Variants in RANBP17 observed in about 807,000 individuals in gnomAD.
RANBP17 encodes the protein ran-binding protein 17.
Under a neutral mutation model 141.2 loss-of-function variants are expected in RANBP17, and 158 were observed. That is an observed-to-expected ratio of 1.12 (90% CI 0.98 to 1.28). RANBP17 has a LOEUF of 1.28. Ranked by LOEUF, RANBP17 falls within the 50% of genes most tolerant of loss-of-function variation. The probability of loss-of-function intolerance (pLI) is 0.00; values close to 1 mark genes in which losing one functional copy is unlikely to be tolerated. For synonymous variants in RANBP17, 430 were observed against 450.0 expected (o/e 0.96, Z 0.56); for missense variants, 1,438 against 1,290.7 (o/e 1.11, Z -1.75).
chr5:170,930,175 A>G (rs1189158151), intron 12 of RANBP17, among the ~76,000 whole-genome samples: 3 of 148,672 alleles, frequency 2.0e-5, no homozygotes, highest in Non-Finnish European at 3.0e-5. Flanking sequence ...CGCCTTTATT[A>G]TTTTCTGCCT....
intron 14 of RANBP17, among the ~76,000 whole-genome samples, chr5:171,168,025 TC>T (rs1759823403): frequency 6.6e-6 from 1 of 152,168 alleles, no homozygotes; most frequent in African/African-American, 2.4e-5. Flanking sequence ...ACCGTGTCCT[TC>T]CACTGCACAT....
chr5:171,110,380 G>A (rs1755140363), intron 14 of RANBP17, among the ~76,000 whole-genome samples: 1 of 152,112 alleles, frequency 6.6e-6, no homozygotes, highest in Non-Finnish European at 1.5e-5. Flanking sequence ...GCTCTCTTCT[G>A]AGCATAGCCC....
At chr5:171,272,132 A>G (rs1269499036) in intron 25 of RANBP17, among the ~76,000 whole-genome samples, 1 of 152,172 alleles carries the variant, frequency 6.6e-6, no homozygotes, top group African/African-American at 2.4e-5. Context: ...TACAAGTGGG[A>G]GCTAAACATT....
At chr5:171,022,652 G>T (rs1412748407) in intron 14 of RANBP17, among the ~76,000 whole-genome samples, 2 of 152,202 alleles carry the variant, frequency 1.3e-5, no homozygotes, top group African/African-American at 4.8e-5. Context: ...TCCCAGGAGG[G>T]GAAAAGTGCA....
chr5:171,117,019 G>T (rs1755680814), intron 14 of RANBP17, among the ~76,000 whole-genome samples: 2 of 152,130 alleles, frequency 1.3e-5, no homozygotes, highest in Non-Finnish European at 1.5e-5. Context: ...GATGAATAGT[G>T]TTCCCTTGTG....
intron 14 of RANBP17, among the ~76,000 whole-genome samples, chr5:171,002,701 G>T (rs905129112): frequency 6.6e-6 from 1 of 152,162 alleles, no homozygotes; most frequent in African/African-American, 2.4e-5. Context: ...GATAGATGTG[G>T]AAGATACTAT....
intron 14 of RANBP17, among the ~76,000 whole-genome samples, chr5:171,094,582 G>A (rs996637984): frequency 6.6e-6 from 1 of 152,060 alleles, no homozygotes; most frequent in Non-Finnish European, 1.5e-5. Context: ...AACAATAGAA[G>A]CTCTCTATGC....
At chr5:170,868,900 G>A (rs970387882) in intron 1 of RANBP17, among the ~76,000 whole-genome samples, 3 of 152,156 alleles carry the variant, frequency 2.0e-5, no homozygotes, top group African/African-American at 7.2e-5. Flanking sequence ...GGGCTTAATT[G>A]CTTTATACGT....
intron 13 of RANBP17, among the ~76,000 whole-genome samples, chr5:170,955,201 C>A (rs1227464580): frequency 6.6e-6 from 1 of 152,022 alleles, no homozygotes; most frequent in African/African-American, 2.4e-5. Flanking sequence ...CTGTGCTGAA[C>A]CCAAATTGTA....
chr5:171,052,414 G>C (rs1414566659), intron 14 of RANBP17, among the ~76,000 whole-genome samples: 1 of 151,954 alleles, frequency 6.6e-6, no homozygotes, highest in Admixed American at 6.5e-5. Flanking sequence ...TGAGATTATA[G>C]GATCCAACTT....
chr5:170,904,074 T>C, intron 5 of RANBP17: 1 of 447,594 alleles, frequency 2.2e-6, no homozygotes, highest in Non-Finnish European at 4.4e-6. Context: ...TTACCTCACC[T>C]GTGTGCTCAT....
chr5:171,165,843 G>T (rs1759657252), intron 14 of RANBP17, among the ~76,000 whole-genome samples: 1 of 152,114 alleles, frequency 6.6e-6, no homozygotes, highest in South Asian at 2.1e-4. Context: ...GAATTTATAG[G>T]GAGAGCTTCT....
chr5:171,058,181 T>A (rs559485214), intron 14 of RANBP17, among the ~76,000 whole-genome samples: 10 of 152,144 alleles, frequency 6.6e-5, no homozygotes, highest in Admixed American at 1.3e-4. Flanking sequence ...ATTATTATAC[T>A]TTAAGTTTTA....
chr5:171,014,925 G>T (rs1780328557), intron 14 of RANBP17, among the ~76,000 whole-genome samples: 1 of 151,888 alleles, frequency 6.6e-6, no homozygotes, highest in Admixed American at 6.6e-5. Context: ...TGTTAACAAT[G>T]GTATATAATT....
At chr5:171,227,094 C>A (rs1763926181) in intron 22 of RANBP17, among the ~76,000 whole-genome samples, 1 of 152,140 alleles carries the variant, frequency 6.6e-6, no homozygotes, top group Non-Finnish European at 1.5e-5. Context: ...CTACAATGGC[C>A]TACAAGTATT....
intron 13 of RANBP17, 27 bp from the exon 14 acceptor site, chr5:170,968,215 T>G (rs746621363): frequency 3.1e-6 from 4 of 1,280,260 alleles, no homozygotes; most frequent in African/African-American, 3.1e-5. Context: ...GTACTGAAGG[T>G]TTTTTTTTTA....
intron 24 of RANBP17, among the ~76,000 whole-genome samples, chr5:171,244,442 T>A (rs967294008): frequency 5.9e-5 from 9 of 152,084 alleles, no homozygotes; most frequent in Non-Finnish European, 1.2e-4. Context: ...TCTAGAATTA[T>A]TTTTTATTTA....
At chr5:170,968,447 G>T in intron 14 of RANBP17, 70 bp downstream of exon 14, 3 of 1,385,170 alleles carry the variant, frequency 2.2e-6, no homozygotes, top group Middle Eastern at 1.8e-4. Flanking sequence ...ATAACTGAAT[G>T]ATATATTTGG....
chr5:171,131,569 C>T (rs1022316028), intron 14 of RANBP17, among the ~76,000 whole-genome samples: 4 of 152,164 alleles, frequency 2.6e-5, no homozygotes, highest in African/African-American at 9.7e-5. Context: ...TAAAGAGACC[C>T]ACTCATAAGA....
Sources: allele counts gnomAD v4.1 joint callset (sites outside exome capture counted in the v4.1 genomes callset), GRCh38; gene constraint gnomAD v4.1.1; transcripts MANE v1.5; gene names NCBI Gene and HGNC (gene_info 2026-07-23, HGNC 2026-07-21).